The following LARP1 variants were observed in gnomAD, a reference collection of about 807,000 sequenced individuals.
LARP1 encodes La ribonucleoprotein 1, translational regulator.
A neutral mutation model predicts 122.7 loss-of-function variants in LARP1; 36 were observed. The ratio of observed to expected loss-of-function variants is 0.29; its 90% CI spans 0.22 to 0.39. The LOEUF (loss-of-function observed/expected upper bound fraction) is 0.39, where lower values mean the gene tolerates loss of function less well. LARP1 is among the 10% of genes least tolerant of loss of function. LARP1 has a pLI of 1.00. For missense variants in LARP1, 1,040 were observed against 1,403.6 expected (o/e 0.74, Z 4.14); for synonymous variants, 539 against 528.7 (o/e 1.02, Z -0.27).
At position 154,803,600 on chromosome 5, in the gene LARP1, G is replaced by A. The variant is rs369524030; in HGVS notation, c.2294G>A (p.Arg765His). The change falls in exon 13 of 19, where the codon CGC becomes CAC. Residue 765 changes from arginine (R) to histidine (H), a missense_variant. By Grantham distance (29) the Arg-to-His change is conservative. Transcript: ENST00000518297. This position sits in a 1 kb window ranked among gnomAD's most constrained non-coding sequence, Gnocchi z 4.4. ...FGAPEPSTIA[R>H]SLPTTVPESP... ...GCTCCTGAGCCCTCCACCATCGCCC[G>A]CTCTCTACCAACCACTGTCCCAGAG... The A allele has an allele frequency of 6.8e-6, 11 of 1,613,916 alleles. No homozygotes were observed. The highest frequency in any genetic ancestry group is 2.2e-5 in the South Asian group (2 of 91,062).
chr5:154,791,161 G>A (rs1757314425), intron 3 of LARP1, among the ~76,000 whole-genome samples: 1 of 138,154 alleles, frequency 7.2e-6, no homozygotes, highest in Non-Finnish European at 1.5e-5. Flanking sequence ...TTGAGATGGA[G>A]TCTCGCTCAG....
At chr5:154,753,163 G>A (rs867167522), upstream of LARP1, among the ~76,000 whole-genome samples, 47 of 152,308 alleles carry the variant, frequency 3.1e-4, no homozygotes, top group Middle Eastern at 6.8e-3. Flanking sequence ...GGGGTCAGGG[G>A]AGGGTACTTC....
chr5:154,789,941 A>T (rs915894986), intron 1 of LARP1, among the ~76,000 whole-genome samples: 1 of 152,196 alleles, frequency 6.6e-6, no homozygotes, highest in Admixed American at 6.5e-5. Context: ...GAAATGATCT[A>T]TCAGACATCT....
chr5:154,807,776 A>ACT (rs1758903918), intron 15 of LARP1, among the ~76,000 whole-genome samples: 1 of 152,056 alleles, frequency 6.6e-6, no homozygotes, highest in Admixed American at 6.6e-5. Context: ...GTGGTCTTGA[A>ACT]CTCCTGGCCT....
At chr5:154,683,898 T>G (rs1753805021) in intron 1 of LARP1, among the ~76,000 whole-genome samples, 1 of 152,196 alleles carries the variant, frequency 6.6e-6, no homozygotes, top group Non-Finnish European at 1.5e-5. Flanking sequence ...GCACCTCGTC[T>G]TTGGAGTTGA....
intron 1 of LARP1, among the ~76,000 whole-genome samples, chr5:154,770,541 G>A (rs1224301668): frequency 6.6e-6 from 1 of 152,060 alleles, no homozygotes; most frequent in African/African-American, 2.4e-5. Context: ...TGGAATGAGG[G>A]TATGAGAGAA....
intron 1 of LARP1, among the ~76,000 whole-genome samples, chr5:154,759,498 G>A (rs1201429958): frequency 6.6e-6 from 1 of 152,136 alleles, no homozygotes; most frequent in Non-Finnish European, 1.5e-5. Flanking sequence ...TTGGAATGTG[G>A]TGAGATGAAT....
At chr5:154,736,907 G>A (rs1445118003) in intron 1 of LARP1, among the ~76,000 whole-genome samples, 1 of 151,816 alleles carries the variant, frequency 6.6e-6, no homozygotes, top group African/African-American at 2.4e-5. Context: ...GGTTTTCCAT[G>A]GTGGCTGCAC....
chr5:154,784,866 GA>G (rs1020139022), intron 1 of LARP1, among the ~76,000 whole-genome samples: 1 of 152,216 alleles, frequency 6.6e-6, no homozygotes, highest in African/African-American at 2.4e-5. Flanking sequence ...AGACAATAGT[GA>G]AAACACTTTT....
rs77343858 is a variant in LARP1 at position 154,729,423 on chromosome 5, T to G, written c.205+16293T>G. 1,015 of 371,190 alleles carry G rather than the reference T, an allele frequency of 2.7e-3. 9 individuals are homozygous for G. Among genetic ancestry groups the G allele is most frequent in the African/African-American group, 0.02 (930 of 46,494 alleles). 23.0% of individuals were successfully genotyped at this position (371,190 alleles called of 1,614,324 possible). A position where few individuals can be genotyped will look rare whatever the true frequency, so the allele number is the denominator to read the frequency against. Reference sequence around the variant, plus strand: ...GGCAAAACTGAAGAGTCTACAGTGTTACCTAGCATGCTATTGGCCTTGTTG... The same window carrying G: ...GGCAAAACTGAAGAGTCTACAGTGTGACCTAGCATGCTATTGGCCTTGTTG... On this transcript the variant is annotated intron_variant, in intron 1 of 18. Transcript: ENST00000336314.
At chr5:154,734,083 C>A (rs1467896871) in intron 1 of LARP1, among the ~76,000 whole-genome samples, 4 of 151,578 alleles carry the variant, frequency 2.6e-5, no homozygotes, top group African/African-American at 9.7e-5. Context: ...AGGAGAATCA[C>A]TTGAACCTGG....
chr5:154,706,410 A>G (rs1193705799), intron 1 of LARP1, among the ~76,000 whole-genome samples: 1 of 152,028 alleles, frequency 6.6e-6, no homozygotes, highest in East Asian at 1.9e-4. Context: ...TTGCAGCAAC[A>G]TGGATGGAGC....
intron 15 of LARP1, among the ~76,000 whole-genome samples, 155 bp downstream of exon 15, chr5:154,806,187 C>G (rs532660173): frequency 5.9e-5 from 9 of 152,216 alleles, no homozygotes; most frequent in African/African-American, 1.9e-4. Context: ...AAGTTAGACT[C>G]GGGCCAGGTA....
intron 1 of LARP1, among the ~76,000 whole-genome samples, chr5:154,759,079 A>G (rs1257898486): frequency 6.6e-6 from 1 of 152,224 alleles, no homozygotes; most frequent in Non-Finnish European, 1.5e-5. Context: ...AGTGGGTTCA[A>G]ATGCCACTGT....
chr5:154,688,653 C>CAAAAAAAAAAA (rs10677648), intron 1 of LARP1, among the ~76,000 whole-genome samples: 1 of 79,450 alleles, frequency 1.3e-5, no homozygotes, highest in Non-Finnish European at 2.2e-5. Context: ...GACTCCATCT[C>CAAAAAAAAAAA]AAAAAAAAAA....
At chr5:154,781,489 A>T (rs1756436908) in intron 1 of LARP1, among the ~76,000 whole-genome samples, 1 of 152,034 alleles carries the variant, frequency 6.6e-6, no homozygotes, top group South Asian at 2.1e-4. Context: ...GCTACTCGGG[A>T]GGCTGAGGCA....
chr5:154,778,057 C>G (rs993674603), intron 1 of LARP1, among the ~76,000 whole-genome samples: 1 of 151,866 alleles, frequency 6.6e-6, no homozygotes, highest in East Asian at 1.9e-4. Context: ...TTCAGGAGAT[C>G]GAGACCATCC....
chr5:154,799,553 TTTC>T lies in LARP1; in HGVS notation c.1378-32_1378-30del. On this transcript the variant is annotated intron_variant, in intron 8 of 18. Coordinates refer to ENST00000518297, the MANE Select transcript of LARP1 (RefSeq NM_033551.3). Reference sequence around the variant, plus strand: ...TTTCCAAGATCTTTCTGTCCAAGATTTTCTTCTTAATCCCCTCTTCCTTCTCCT... The same window carrying T: ...TTTCCAAGATCTTTCTGTCCAAGATTTTCTTAATCCCCTCTTCCTTCTCCT... 4.4e-6 allele frequency: 7 copies of T among 1,605,000 alleles called. No individual in the cohort carries two copies. The Middle Eastern group carries it at 1.2e-3, about 267-fold the overall frequency.
At chr5:154,768,879 C>CT (rs1243238698) in intron 1 of LARP1, among the ~76,000 whole-genome samples, 3 of 152,146 alleles carry the variant, frequency 2.0e-5, no homozygotes, top group Non-Finnish European at 4.4e-5. Context: ...CCTTGCCCAG[C>CT]TGTATTTTAC....
Sources: allele counts gnomAD v4.1 joint callset (sites outside exome capture counted in the v4.1 genomes callset), GRCh38; gene constraint gnomAD v4.1.1; non-coding constraint Gnocchi (gnomAD v3.1); transcripts MANE v1.5; gene names NCBI Gene and HGNC (gene_info 2026-07-23, HGNC 2026-07-21).